The following NHEJ1 variants were observed in gnomAD, a reference collection of about 807,000 sequenced individuals.
NHEJ1 encodes non-homologous end-joining factor 1.
A neutral mutation model predicts 39.4 loss-of-function variants in NHEJ1; 22 were observed. The observed-to-expected ratio is 0.56, with a 90% CI of 0.40 to 0.80. The LOEUF (loss-of-function observed/expected upper bound fraction) is 0.80. Ranked by LOEUF, NHEJ1 falls within the 30% of genes least tolerant of loss-of-function variation. The pLI, the probability that NHEJ1 is intolerant of heterozygous loss-of-function variation, is 0.00. For synonymous variants in NHEJ1, 154 were observed against 135.6 expected, an observed-to-expected ratio of 1.14 and a Z score of -0.94; for missense variants, 329 against 357.1, an observed-to-expected ratio of 0.92 and a Z score of 0.63.
intron 5 of NHEJ1, among the ~76,000 whole-genome samples, chr2:219,136,420 C>G (rs1233319688): frequency 6.6e-6 from 1 of 151,724 alleles, no homozygotes; most frequent in Non-Finnish European, 1.5e-5. Flanking sequence ...TCCCAAGTAG[C>G]TGGGATCACA....
chr2:219,114,610 CA>C (rs757775869), intron 5 of NHEJ1, among the ~76,000 whole-genome samples: 4 of 152,112 alleles, frequency 2.6e-5, no homozygotes, highest in Non-Finnish European at 5.9e-5. Flanking sequence ...TGCAGCCCAA[CA>C]AGAAGGACGA....
chr2:219,087,767 T>C (rs1385127577), intron 5 of NHEJ1, among the ~76,000 whole-genome samples: 1 of 152,096 alleles, frequency 6.6e-6, no homozygotes, highest in Non-Finnish European at 1.5e-5. Flanking sequence ...GGTTGATAAA[T>C]TGGACTAGAT....
Position 219,111,542 on chromosome 2 carries a change from C to T in NHEJ1, c.589-33336G>A, listed in dbSNP as rs1949364836. ...ACTCCCCTTATCTAGATCCCTTTAG[C>T]CCCAAATGTCTTTCATGAGACAGTG... is the stretch of plus-strand genomic sequence containing the variant. On this transcript the variant is annotated intron_variant, in intron 5 of 7. Coordinates refer to ENST00000356853, the MANE Select transcript of NHEJ1 (RefSeq NM_024782.3). The surrounding 1 kb of genome is among the most constrained non-coding windows in gnomAD (Gnocchi z 4.1). Among the ~76,000 whole-genome samples the T allele has an allele frequency of 6.6e-6, 1 of 151,986 alleles. No individual in the cohort carries two copies. The highest frequency in any genetic ancestry group is 2.1e-4 in the South Asian group (1 of 4,826).
At chr2:219,087,751 G>C (rs1369697655) in intron 5 of NHEJ1, among the ~76,000 whole-genome samples, 1 of 152,028 alleles carries the variant, frequency 6.6e-6, no homozygotes, top group Non-Finnish European at 1.5e-5. Context: ...AAACCATAAA[G>C]GAAAAGGTTG....
chr2:219,092,293 C>CAAAA (rs58005993), intron 5 of NHEJ1, among the ~76,000 whole-genome samples: 92 of 112,012 alleles, frequency 8.2e-4, no homozygotes, highest in African/African-American at 2.4e-3. Context: ...GACACTGCCT[C>CAAAA]AAAAAAAAAA....
At chr2:219,138,847 C>T (rs186466676) in intron 5 of NHEJ1, among the ~76,000 whole-genome samples, 3 of 152,230 alleles carry the variant, frequency 2.0e-5, no homozygotes, top group African/African-American at 7.2e-5. Context: ...TGAAAAAAGA[C>T]ATTGTTGTAG....
intron 5 of NHEJ1, among the ~76,000 whole-genome samples, chr2:219,094,270 G>A (rs1559189222): frequency 6.6e-6 from 1 of 152,136 alleles, no homozygotes; most frequent in Non-Finnish European, 1.5e-5. Flanking sequence ...CCCAGAAAAA[G>A]ATGGAGGGTA....
intron 6 of NHEJ1, 129 bp downstream of exon 6, chr2:219,077,960 A>G: frequency 1.4e-6 from 1 of 736,210 alleles, no homozygotes; most frequent in Non-Finnish European, 2.4e-6. Flanking sequence ...ATGCATTTTT[A>G]GTTTTATTTC....
chr2:219,104,040 T>G (rs1229619105), intron 5 of NHEJ1, among the ~76,000 whole-genome samples: 1 of 152,248 alleles, frequency 6.6e-6, no homozygotes, highest in Non-Finnish European at 1.5e-5. Context: ...CAAACATTTT[T>G]TTTTGGTTCT....
intron 3 of NHEJ1, among the ~76,000 whole-genome samples, chr2:219,149,038 G>A (rs1047055887): frequency 1.3e-5 from 2 of 151,696 alleles, no homozygotes; most frequent in African/African-American, 4.8e-5. Flanking sequence ...CATGCACCAC[G>A]ATGCCCGGCT....
intron 5 of NHEJ1, 98 bp downstream of exon 5, chr2:219,146,582 C>T: frequency 2.1e-6 from 2 of 939,652 alleles, no homozygotes; most frequent in East Asian, 2.4e-5. Flanking sequence ...GCATTCCAAC[C>T]ACACAAGCCA....
chr2:219,127,202 G>A (rs1444643269), intron 5 of NHEJ1, among the ~76,000 whole-genome samples: 1 of 152,072 alleles, frequency 6.6e-6, no homozygotes, highest in African/African-American at 2.4e-5. Flanking sequence ...TAGATCCCTG[G>A]GGCTAGGGAG....
chr2:219,131,995 A>G (rs1358388873), intron 5 of NHEJ1, among the ~76,000 whole-genome samples: 2 of 152,214 alleles, frequency 1.3e-5, no homozygotes. Flanking sequence ...CAAATTCCAC[A>G]ATTGTTTGTC....
intron 5 of NHEJ1, among the ~76,000 whole-genome samples, chr2:219,115,984 G>A (rs1381544422): frequency 1.3e-5 from 2 of 151,446 alleles, no homozygotes; most frequent in Non-Finnish European, 2.9e-5. Flanking sequence ...GCTGGGCGTG[G>A]GGGTGTGTGC....
intron 5 of NHEJ1, among the ~76,000 whole-genome samples, chr2:219,146,380 T>C (rs1949740862): frequency 6.6e-6 from 1 of 152,218 alleles, no homozygotes; most frequent in Non-Finnish European, 1.5e-5. Flanking sequence ...AAAAATTTAA[T>C]AACTGGTCAA....
intron 5 of NHEJ1, among the ~76,000 whole-genome samples, chr2:219,106,927 G>A (rs1170136935): frequency 2.0e-5 from 3 of 152,130 alleles, no homozygotes; most frequent in Non-Finnish European, 2.9e-5. Context: ...ACTGGCATTT[G>A]CTGAAAAAAT....
chr2:219,081,403 C>T (rs1031589405), intron 5 of NHEJ1, among the ~76,000 whole-genome samples: 7 of 152,146 alleles, frequency 4.6e-5, no homozygotes, highest in East Asian at 1.9e-4. Context: ...GCCAGGAGCA[C>T]GATGTACCGG....
rs1479063796 is a variant in NHEJ1, at chr2:219,086,478, C to T, written c.589-8272G>A. ...TCTAGTGGTACTAGAAGCTGGCTCT[C>T]ACTTCCCTTCTTAAATCTCCAAAGA... On this transcript the variant is annotated intron_variant, in intron 5 of 7. Coordinates refer to ENST00000356853, the MANE Select transcript of NHEJ1 (RefSeq NM_024782.3). 3.3e-5 allele frequency among the ~76,000 whole-genome samples: 5 copies of T among 152,306 alleles called. No individual in the cohort carries two copies. In the South Asian group the frequency reaches 8.3e-4, roughly 25 times the overall value.
At chr2:219,159,356 A>C (rs1949888522) in intron 1 of NHEJ1, 1 of 151,754 alleles carries the variant, frequency 6.6e-6, no homozygotes, top group Non-Finnish European at 1.5e-5. Context: ...AAAATATGTC[A>C]ATTTCCTTCA....
Sources: gnomAD v4.1 joint callset for allele counts (sites outside exome capture counted in the v4.1 genomes callset) on GRCh38, gnomAD v4.1.1 for gene constraint, Gnocchi (gnomAD v3.1) non-coding constraint, MANE v1.5 for transcripts, NCBI Gene and HGNC (gene_info 2026-07-23, HGNC 2026-07-21) for gene names.